Variants in CTNNA2 observed in about 807,000 individuals in gnomAD.
CTNNA2 encodes catenin alpha 2, also known as catenin alpha-2.
A neutral mutation model predicts 101.0 loss-of-function variants in CTNNA2; 42 were observed. The ratio of observed to expected loss-of-function variants is 0.42; its 90% CI spans 0.32 to 0.54. CTNNA2 has a LOEUF of 0.54. Ranked by LOEUF, CTNNA2 falls within the 20% of genes least tolerant of loss-of-function variation. CTNNA2 has a pLI of 0.14. For missense variants in CTNNA2, 871 were observed against 1,223.1 expected, an observed-to-expected ratio of 0.71 and a Z score of 4.29; for synonymous variants, 450 against 456.4, an observed-to-expected ratio of 0.99 and a Z score of 0.18.
intron 2 of CTNNA2, among the ~76,000 whole-genome samples, chr2:79,654,047 G>C (rs530803864): frequency 6.6e-6 from 1 of 152,212 alleles, no homozygotes; most frequent in African/African-American, 2.4e-5. Context: ...AGAAGTTAAT[G>C]GTTTTCTCTA....
chr2:79,337,095 G>A (rs1340553230), intron 3 of CTNNA2, among the ~76,000 whole-genome samples: 2 of 152,200 alleles, frequency 1.3e-5, no homozygotes, highest in East Asian at 3.8e-4. Context: ...AACATGGACA[G>A]ACCTGACAAA....
chr2:79,638,536 T>A (rs1349319251), intron 1 of CTNNA2, among the ~76,000 whole-genome samples: 1 of 152,164 alleles, frequency 6.6e-6, no homozygotes, highest in African/African-American at 2.4e-5. Flanking sequence ...ATAATTCAAT[T>A]GAAAGGGGCA....
intron 18 of CTNNA2, among the ~76,000 whole-genome samples, chr2:80,621,026 A>C (rs1671067361): frequency 6.6e-6 from 1 of 151,940 alleles, no homozygotes. Context: ...AAATACATAC[A>C]TATATTGTGC....
intron 7 of CTNNA2, among the ~76,000 whole-genome samples, chr2:79,989,826 G>T (rs992768062): frequency 5.9e-5 from 9 of 152,294 alleles, no homozygotes; most frequent in Admixed American, 2.0e-4. Flanking sequence ...TACAGGGTGT[G>T]TCAGTGACAG....
chr2:80,213,467 A>G (rs1454475016), intron 7 of CTNNA2, among the ~76,000 whole-genome samples: 2 of 152,174 alleles, frequency 1.3e-5, no homozygotes, highest in South Asian at 2.1e-4. Context: ...TCATTTCATT[A>G]TGTACCCAGT....
intron 2 of CTNNA2, among the ~76,000 whole-genome samples, chr2:79,293,512 T>A (rs1423676631): frequency 6.6e-6 from 1 of 152,052 alleles, no homozygotes; most frequent in Admixed American, 6.6e-5. Flanking sequence ...ATAGTGCAAA[T>A]CAAATAAGTA....
At chr2:80,147,243 G>C (rs113764048) in intron 7 of CTNNA2, among the ~76,000 whole-genome samples, 361 of 152,168 alleles carry the variant, frequency 2.4e-3, no homozygotes, top group African/African-American at 6.0e-3. Context: ...TGGGATAACA[G>C]GTGTGAGCCA....
At chr2:79,784,838 C>T (rs559906442) in intron 3 of CTNNA2, among the ~76,000 whole-genome samples, 1 of 151,670 alleles carries the variant, frequency 6.6e-6, no homozygotes, top group South Asian at 2.1e-4. Context: ...CACAAATATA[C>T]AACCTATGCT....
At chr2:80,247,313 T>G (rs1671401725) in intron 7 of CTNNA2, among the ~76,000 whole-genome samples, 3 of 152,172 alleles carry the variant, frequency 2.0e-5, no homozygotes, top group Admixed American at 2.0e-4. Context: ...ATAACTGTGT[T>G]TGCTGTACCG....
chr2:79,631,117 A>G (rs572077890), intron 1 of CTNNA2, among the ~76,000 whole-genome samples: 10 of 151,220 alleles, frequency 6.6e-5, no homozygotes, highest in African/African-American at 2.2e-4. Flanking sequence ...TCTCAAGTAT[A>G]TTTGCTCAGC....
chr2:79,198,463 C>A (rs1184042888), intron 2 of CTNNA2, among the ~76,000 whole-genome samples: 1 of 152,102 alleles, frequency 6.6e-6, no homozygotes, highest in African/African-American at 2.4e-5. Context: ...ATGAAAATCA[C>A]AAAGAAAATT....
At chr2:79,506,161 G>A (rs191287147) in intron 5 of CTNNA2, among the ~76,000 whole-genome samples, 1 of 152,138 alleles carries the variant, frequency 6.6e-6, no homozygotes, top group Non-Finnish European at 1.5e-5. Context: ...ATGTGTGTGT[G>A]CATGTGTGCA....
At chr2:80,077,486 C>T (rs986708142) in intron 7 of CTNNA2, among the ~76,000 whole-genome samples, 4 of 151,850 alleles carry the variant, frequency 2.6e-5, no homozygotes, top group African/African-American at 9.7e-5. Context: ...TGGTGTCCCA[C>T]ACCTTTAATC....
At chr2:80,195,136 G>T (rs1706752854) in intron 7 of CTNNA2, among the ~76,000 whole-genome samples, 1 of 152,116 alleles carries the variant, frequency 6.6e-6, no homozygotes, top group Non-Finnish European at 1.5e-5. Flanking sequence ...AGGAACAGTT[G>T]ACTGTTCTTG....
chr2:80,229,526 A>C (rs909194319), intron 7 of CTNNA2, among the ~76,000 whole-genome samples: 1 of 151,794 alleles, frequency 6.6e-6, no homozygotes, highest in Admixed American at 6.6e-5. Context: ...GATATGAGGG[A>C]TGGGTGCAGA....
chr2:80,147,895 T>C (rs561925166), intron 7 of CTNNA2, among the ~76,000 whole-genome samples: 2 of 152,256 alleles, frequency 1.3e-5, no homozygotes, highest in African/African-American at 4.8e-5. Context: ...TAAAAGCTTT[T>C]AGAGCGGATG....
chr2:79,537,991 G>C (rs1412284615), intron 1 of CTNNA2, among the ~76,000 whole-genome samples: 1 of 151,760 alleles, frequency 6.6e-6, no homozygotes, highest in Non-Finnish European at 1.5e-5. Flanking sequence ...TTCTACTTTT[G>C]GAAGGAAAAA....
intron 3 of CTNNA2, among the ~76,000 whole-genome samples, chr2:79,805,534 A>C (rs184338863): frequency 2.6e-5 from 4 of 152,156 alleles, no homozygotes; most frequent in Non-Finnish European, 1.5e-5. Flanking sequence ...AGGCATGCTC[A>C]ACTTCTTTTA....
chr2:80,150,837 T>C (rs1703651903), intron 7 of CTNNA2, among the ~76,000 whole-genome samples: 1 of 152,094 alleles, frequency 6.6e-6, no homozygotes, highest in African/African-American at 2.4e-5. Flanking sequence ...CTTGGAAAAA[T>C]ATATCACCCT....
Sources: gnomAD v4.1 joint callset for allele counts (sites outside exome capture counted in the v4.1 genomes callset) on GRCh38, gnomAD v4.1.1 for gene constraint, MANE v1.5 for transcripts, NCBI Gene and HGNC (gene_info 2026-07-23, HGNC 2026-07-21) for gene names.